GGA2: variants seen among roughly 807,000 people sequenced by gnomAD.
GGA2 encodes golgi associated, gamma adaptin ear containing, ARF binding protein 2, also known as ADP-ribosylation factor-binding protein GGA2.
A neutral mutation model predicts 79.5 loss-of-function variants in GGA2; 48 were observed. That is an observed-to-expected ratio of 0.60 (90% CI 0.48 to 0.77). The LOEUF (loss-of-function observed/expected upper bound fraction) is 0.77. Ranked by LOEUF, GGA2 falls within the 30% of genes least tolerant of loss-of-function variation. The probability of loss-of-function intolerance (pLI) is 0.00; values close to 1 mark genes in which losing one functional copy is unlikely to be tolerated. For missense variants in GGA2, 770 were observed against 774.0 expected (o/e 0.99, Z 0.06); for synonymous variants, 317 against 302.0 (o/e 1.05, Z -0.51).
chr16:23,473,636 C>A (rs1371659552), intron 14 of GGA2, among the ~76,000 whole-genome samples: 1 of 152,014 alleles, frequency 6.6e-6, no homozygotes, highest in African/African-American at 2.4e-5. Flanking sequence ...CCTATTCTAT[C>A]TTTAATAAAA....
chr16:23,483,060 C>T, intron 8 of GGA2, 56 bp from the exon 9 acceptor site: 2 of 1,119,068 alleles, frequency 1.8e-6, no homozygotes, highest in Non-Finnish European at 2.7e-6. Context: ...TAACGCCCCC[C>T]TCCAGGGCCC....
chr16:23,480,837 T>C, intron 9 of GGA2, 67 bp from the exon 10 acceptor site: 2 of 1,509,082 alleles, frequency 1.3e-6, no homozygotes, highest in Non-Finnish European at 9.2e-7. Flanking sequence ...TTTTCTAAGC[T>C]TTTCCATAAA....
At chr16:23,517,645 CA>C (rs1302988975) in intron 2 of GGA2, among the ~76,000 whole-genome samples, 1 of 152,172 alleles carries the variant, frequency 6.6e-6, no homozygotes, top group Non-Finnish European at 1.5e-5. Context: ...CAGTCCTGAA[CA>C]ACTTTGTGAA....
chr16:23,503,141 T>C (rs1408108196), intron 1 of GGA2, among the ~76,000 whole-genome samples: 4 of 152,226 alleles, frequency 2.6e-5, no homozygotes, highest in Non-Finnish European at 4.4e-5. Flanking sequence ...TAGGAATCCC[T>C]ATTTTCTTTC....
At chr16:23,490,692 C>T (rs1272006344) in intron 5 of GGA2, among the ~76,000 whole-genome samples, 1 of 151,392 alleles carries the variant, frequency 6.6e-6, no homozygotes, top group Non-Finnish European at 1.5e-5. Context: ...CAGAGATCGC[C>T]CCACTGCACT....
chr16:23,470,469 T>C (rs975478091), intron 14 of GGA2, among the ~76,000 whole-genome samples: 2 of 151,792 alleles, frequency 1.3e-5, no homozygotes, highest in East Asian at 1.9e-4. Context: ...CTATAGAAAA[T>C]AGAGAATTAT....
chr16:23,482,492 T>C (rs1001738956), intron 9 of GGA2, among the ~76,000 whole-genome samples: 1 of 152,118 alleles, frequency 6.6e-6, no homozygotes, highest in Non-Finnish European at 1.5e-5. Flanking sequence ...TGTGGACAAT[T>C]CTCCACTTCC....
Position 23,465,377 on chromosome 16 carries a change from C to G in GGA2, c.*2213G>C. 1.4e-6 allele frequency: 1 copy of G among 703,016 alleles called. No homozygotes were observed. Among genetic ancestry groups the G allele is most frequent in the Non-Finnish European group, 2.6e-6 (1 of 384,854 alleles). 43.5% of individuals were successfully genotyped at this position (703,016 alleles called of 1,614,324 possible). A position where few individuals can be genotyped will look rare whatever the true frequency, so the allele number is the denominator to read the frequency against. ...TAGAAGGGAGTGATGCCATAAACCA[C>G]AGCCACTTTCAGGACAGCAGCCTGC... On this transcript the variant is annotated 3_prime_UTR_variant, in exon 17 of 17. Coordinates refer to ENST00000309859, the MANE Select transcript of GGA2 (RefSeq NM_015044.4).
At position 23,494,383 on chromosome 16, in the gene GGA2, A is replaced by C; in HGVS notation, c.177-5T>G. 1.2e-6 allele frequency: 2 copies of C among 1,603,118 alleles called. No individual in the cohort carries two copies. Among genetic ancestry groups the C allele is most frequent in the East Asian group, 4.5e-5 (2 of 44,824 alleles). On this transcript the variant is annotated splice_polypyrimidine_tract_variant and splice_region_variant and intron_variant, in intron 2 of 16. Coordinates refer to ENST00000309859, the MANE Select transcript of GGA2 (RefSeq NM_015044.4). The stretch of plus-strand genomic sequence containing the variant: ...AGCCAGGGCGCATGTGTGGGGCTAC[A>C]GGGAAACAAAAAGACCTAGACTCTG...
intron 13 of GGA2, among the ~76,000 whole-genome samples, chr16:23,476,422 A>G (rs1376438583): frequency 6.6e-6 from 1 of 152,186 alleles, no homozygotes; most frequent in African/African-American, 2.4e-5. Context: ...TGTTACATTC[A>G]CACCTTAGAG....
intron 8 of GGA2, among the ~76,000 whole-genome samples, chr16:23,485,615 C>T (rs183609156): frequency 6.8e-4 from 103 of 152,280 alleles, no homozygotes; most frequent in Middle Eastern, 6.8e-3. Context: ...CTGGAAACAA[C>T]GCAAGGCCCA....
intron 15 of GGA2, chr16:23,469,685 G>C (rs1964485633): frequency 2.1e-5 from 4 of 192,786 alleles, no homozygotes; most frequent in Non-Finnish European, 4.2e-5. Context: ...GAGGGTTAAG[G>C]ACCATGCAAC....
rs141929678 is a variant in GGA2, at chr16:23,494,333, C to T, written c.222G>A (p.Pro74=). The change falls in exon 3 of 17, where the codon CCG becomes CCA. Residue 74 remains proline, a synonymous_variant. Transcript: ENST00000309859. ...PWLLAHKIQS[P]QEKEALYALT... ...AGGCATAAAGAGCTTCCTTCTCTTG[C>T]GGAGACTGGATCTTGTGGGCCAGTA... The T allele has an allele frequency of 2.9e-5, 46 of 1,612,562 alleles. No individual in the cohort carries two copies. Among genetic ancestry groups the T allele is most frequent in the African/African-American group, 8.0e-5 (6 of 74,898 alleles).
upstream of GGA2, among the ~76,000 whole-genome samples, chr16:23,513,783 CA>C (rs754377361): frequency 0.18 from 8,512 of 46,824 alleles, 204 homozygotes; most frequent in African/African-American, 0.32. Context: ...GACTCTGTCT[CA>C]AAAAAAAAAA....
At chr16:23,479,260 G>A (rs1027219078) in intron 11 of GGA2, among the ~76,000 whole-genome samples, 3 of 151,304 alleles carry the variant, frequency 2.0e-5, no homozygotes, top group Non-Finnish European at 4.4e-5. Flanking sequence ...TCAGCAGCAG[G>A]CATGTGCTTC....
intron 1 of GGA2, among the ~76,000 whole-genome samples, chr16:23,498,947 A>G (rs141018418): frequency 3.9e-5 from 6 of 152,316 alleles, no homozygotes; most frequent in African/African-American, 1.4e-4. Context: ...TGACACCTCA[A>G]AAGAATTCTG....
intron 2 of GGA2, among the ~76,000 whole-genome samples, chr16:23,517,880 T>C (rs1417745251): frequency 6.6e-6 from 1 of 152,146 alleles, no homozygotes; most frequent in Non-Finnish European, 1.5e-5. Context: ...ATTACAGGCA[T>C]GAGCCACCGC....
upstream of GGA2, chr16:23,524,088 T>C (rs1965183850): frequency 2.2e-6 from 1 of 463,352 alleles, no homozygotes; most frequent in African/African-American, 2.0e-5. Flanking sequence ...AACTTTTCTG[T>C]GAACTAACTC....
intron 14 of GGA2, among the ~76,000 whole-genome samples, chr16:23,472,185 T>G (rs1406104084): frequency 5.4e-4 from 5 of 9,324 alleles, no homozygotes; most frequent in African/African-American, 1.1e-3. Flanking sequence ...GTAGCCCTGG[T>G]TTTTTTTTTT....
Sources: gnomAD v4.1 joint callset for allele counts (sites outside exome capture counted in the v4.1 genomes callset) on GRCh38, gnomAD v4.1.1 for gene constraint, MANE v1.5 for transcripts, NCBI Gene and HGNC (gene_info 2026-07-23, HGNC 2026-07-21) for gene names.